Variants in RAB40A observed in about 807,000 individuals in gnomAD.
RAB40A encodes ras-related protein Rab-40A.
For missense variants in RAB40A, 145 were observed against 230.2 expected, an observed-to-expected ratio of 0.63 and a Z score of 2.40; for synonymous variants, 65 against 99.9, an observed-to-expected ratio of 0.65 and a Z score of 2.08.
At chrX:103,504,931 G>C (rs1464829295) in intron 2 of RAB40A, among the ~76,000 whole-genome samples, 9 of 112,123 alleles carry the variant, frequency 8.0e-5, no homozygotes, top group African/African-American at 2.9e-4. Flanking sequence ...ATGTTTACAA[G>C]AACTTTTAAT....
chrX:103,514,398 G>A (rs908370253), intron 2 of RAB40A, among the ~76,000 whole-genome samples: 1 of 111,695 alleles, frequency 9.0e-6, no homozygotes, highest in Non-Finnish European at 1.9e-5. Context: ...CACCGAGGCT[G>A]GAGTGCAGTG....
intron 2 of RAB40A, chrX:103,502,577 T>C (rs995301124): frequency 2.5e-5 from 7 of 285,264 alleles, no homozygotes; most frequent in Non-Finnish European, 3.0e-5. Flanking sequence ...AAGTGCAGGA[T>C]TTCACTTCTG....
In RAB40A at chrX:103,500,466, T is replaced by G. The variant is rs2073218619; in HGVS notation, c.291A>C (p.Ala97=). ...AQGVILVYDI[A]NRWSFEGMDR... ...CCATACCCTCGAAAGACCAGCGGTT[T>G]GCAATGTCGTAGACCAGGATCACTC... Residue 97 remains alanine, a synonymous_variant, in exon 3 of 3, where the codon GCA becomes GCC. Coordinates refer to ENST00000304236, the MANE Select transcript of RAB40A (RefSeq NM_080879.3). 1 of 1,210,791 alleles carries G rather than the reference T, an allele frequency of 8.3e-7. No homozygotes were observed. The highest frequency in any genetic ancestry group is 1.7e-5 in the African/African-American group (1 of 57,600).
intron 2 of RAB40A, among the ~76,000 whole-genome samples, chrX:103,511,348 A>G (rs1254421268): frequency 9.2e-6 from 1 of 109,229 alleles, no homozygotes; most frequent in Non-Finnish European, 1.9e-5. Context: ...AAAAAATACA[A>G]AAAAATTAGG....
At chrX:103,518,402 C>A (rs2073326423) in intron 1 of RAB40A, among the ~76,000 whole-genome samples, 1 of 110,452 alleles carries the variant, frequency 9.1e-6, no homozygotes, top group Non-Finnish European at 1.9e-5. Flanking sequence ...TAGCAATGAG[C>A]AACTCTAGTG....
At chrX:103,515,282 A>C (rs1223495182) in intron 2 of RAB40A, among the ~76,000 whole-genome samples, 1 of 112,452 alleles carries the variant, frequency 8.9e-6, no homozygotes, top group Non-Finnish European at 1.9e-5. Flanking sequence ...GAAGGTAAAA[A>C]GGAATAGAAG....
At chrX:103,506,290 C>T (rs756166490) in intron 2 of RAB40A, among the ~76,000 whole-genome samples, 29 of 111,019 alleles carry the variant, frequency 2.6e-4, no homozygotes, top group Admixed American at 4.8e-4. Context: ...TCCCTTACTC[C>T]CACCTCCCCC....
rs2073208768 is a variant in RAB40A, at chrX:103,499,466, G to A, written c.*457C>T. 5.3e-6 allele frequency: 1 copy of A among 188,181 alleles called. No individual in the cohort carries two copies. Among genetic ancestry groups the A allele is most frequent in the African/African-American group, 3.1e-5 (1 of 32,435 alleles). The allele number at this position is 188,181 out of a possible 1,213,427, so 15.5% of individuals were successfully genotyped here. ...GCAGTGTTTTATAAATTGGTGCTTT[G>A]ACATTAAAAAGGAGGTTTACAAAAA... On this transcript the variant is annotated 3_prime_UTR_variant, in exon 3 of 3. Coordinates refer to ENST00000304236, the MANE Select transcript of RAB40A (RefSeq NM_080879.3).
downstream of RAB40A, among the ~76,000 whole-genome samples, chrX:103,497,367 G>A (rs2073184002): frequency 2.7e-5 from 3 of 111,294 alleles, no homozygotes; most frequent in South Asian, 1.1e-3. Context: ...ATGGATGGAT[G>A]GATGGATGGA....
chrX:103,511,209 A>T (rs1287285369), intron 2 of RAB40A, among the ~76,000 whole-genome samples: 1 of 111,532 alleles, frequency 9.0e-6, no homozygotes, highest in Non-Finnish European at 1.9e-5. Context: ...ATAAAAAAGG[A>T]TGAGTTTGGC....
chrX:103,503,248 T>C, intron 2 of RAB40A: 2 of 753,594 alleles, frequency 2.7e-6, no homozygotes, highest in Non-Finnish European at 1.6e-6. Context: ...GACAGGGCTG[T>C]AGAAAGGTGA....
chrX:103,515,794 A>G lies in RAB40A; in HGVS notation c.-71+1580T>C, dbSNP rs187247663. Among the ~76,000 whole-genome samples, 199 of 112,023 alleles carry G rather than the reference A, an allele frequency of 1.8e-3. 1 individual carries two copies. The highest frequency in any genetic ancestry group is 3.0e-3 in the Non-Finnish European group (157 of 53,175). ...ATACTCACTAAAATATAGTGATGCT[A>G]TCCAGATTATGAAACAACATCCCTG... On this transcript the variant is annotated intron_variant, in intron 2 of 2. Coordinates refer to ENST00000304236, the MANE Select transcript of RAB40A (RefSeq NM_080879.3).
In RAB40A at chrX:103,500,110, C is replaced by A. The variant is rs200647197; in HGVS notation, c.647G>T (p.Ser216Ile). 706 of 1,209,585 alleles carry A rather than the reference C, an allele frequency of 5.8e-4. 1 individual carries two copies. The highest frequency in any genetic ancestry group is 4.6e-3 in the Middle Eastern group (20 of 4,344). Reference sequence around the variant, plus strand: ...GGACTTGAGGTGGCTTCTTAAGGTACTGGGGAGCGGGAGCTTGTCCACCAG... The same window carrying A: ...GGACTTGAGGTGGCTTCTTAAGGTAATGGGGAGCGGGAGCTTGTCCACCAG... ...VHLVDKLPLP[S>I]TLRSHLKSFS... is the part of the protein sequence containing the mutation. Residue 216 changes from serine (S) to isoleucine (I), a missense_variant, in exon 3 of 3, where the codon AGT (serine) becomes ATT (isoleucine). Coordinates refer to ENST00000304236, the MANE Select transcript of RAB40A (RefSeq NM_080879.3).
At chrX:103,494,567 T>G (rs1248662918), downstream of RAB40A, among the ~76,000 whole-genome samples, 3 of 112,320 alleles carry the variant, frequency 2.7e-5, no homozygotes, top group Non-Finnish European at 5.6e-5. Flanking sequence ...AGTCTTAGAT[T>G]TAAGCCTTTA....
intron 2 of RAB40A, among the ~76,000 whole-genome samples, chrX:103,510,194 T>C (rs764553000): frequency 7.1e-5 from 8 of 112,151 alleles, no homozygotes; most frequent in African/African-American, 2.6e-4. Flanking sequence ...TTTCTCAGAC[T>C]CGGGAGCATG....
At chrX:103,493,834 T>C in the RAB40A span, among the ~76,000 whole-genome samples, 1 of 112,424 alleles carries the variant, frequency 8.9e-6, no homozygotes, top group Non-Finnish European at 1.9e-5. Context: ...CATTCATCTC[T>C]TGATGGACAC....
chrX:103,499,812 C>T lies in RAB40A; in HGVS notation c.*111G>A, dbSNP rs1436181861. On this transcript the variant is annotated 3_prime_UTR_variant, in exon 3 of 3. Transcript: ENST00000304236. ...ACACATTCCCAAGCAGCATGGTTCCCGTGAGAAACTGAAAACTAATTTCTT... is the reference window on the plus strand; with the variant it reads ...ACACATTCCCAAGCAGCATGGTTCCTGTGAGAAACTGAAAACTAATTTCTT... The T allele has an allele frequency of 1.2e-5, 11 of 916,558 alleles. No homozygotes were observed. The highest frequency in any genetic ancestry group is 1.6e-5 in the Non-Finnish European group (10 of 638,384). 75.5% of individuals were successfully genotyped at this position (916,558 alleles called of 1,213,427 possible). A position where few individuals can be genotyped will look rare whatever the true frequency, so the allele number is the denominator to read the frequency against.
chrX:103,506,451 T>C (rs1313063938), intron 2 of RAB40A, among the ~76,000 whole-genome samples: 1 of 112,358 alleles, frequency 8.9e-6, no homozygotes, highest in Non-Finnish European at 1.9e-5. Flanking sequence ...CCTTGGGGAA[T>C]AAAATTTAAA....
chrX:103,495,575 T>C (rs73258055), downstream of RAB40A, among the ~76,000 whole-genome samples: 53 of 112,158 alleles, frequency 4.7e-4, no homozygotes, highest in Non-Finnish European at 9.4e-4. Context: ...TTTTGACATT[T>C]TATATAAGTG....
Sources: allele counts gnomAD v4.1 joint callset (sites outside exome capture counted in the v4.1 genomes callset), GRCh38; gene constraint gnomAD v4.1.1; transcripts MANE v1.5; gene names NCBI Gene and HGNC (gene_info 2026-07-23, HGNC 2026-07-21).